SND1: variants seen among roughly 807,000 people sequenced by gnomAD.
SND1 encodes the protein staphylococcal nuclease domain-containing protein 1.
Under a neutral mutation model 121.7 loss-of-function variants are expected in SND1, and 38 were observed. The observed-to-expected ratio is 0.31, with a 90% confidence interval of 0.24 to 0.41. The LOEUF is 0.41. Ranked by LOEUF, SND1 falls within the 10% of genes least tolerant of loss-of-function variation. The pLI, the probability that SND1 is intolerant of heterozygous loss-of-function variation, is 1.00. For synonymous variants in SND1, 401 were observed against 447.4 expected (o/e 0.90, Z 1.31); for missense variants, 868 against 1,184.6 (o/e 0.73, Z 3.92).
At chr7:128,031,284 G>A (rs1792592227) in intron 16 of SND1, among the ~76,000 whole-genome samples, 1 of 145,300 alleles carries the variant, frequency 6.9e-6, no homozygotes, top group Non-Finnish European at 1.5e-5. Context: ...GCGCTTCATC[G>A]CCAAAGTGCG....
intron 16 of SND1, among the ~76,000 whole-genome samples, chr7:128,043,020 G>A (rs1462851064): frequency 6.6e-6 from 1 of 152,178 alleles, no homozygotes; most frequent in Non-Finnish European, 1.5e-5. Context: ...CTTTCTAAGG[G>A]CTCACGCATA....
chr7:128,084,096 G>C (rs944358880), intron 18 of SND1, among the ~76,000 whole-genome samples: 1 of 152,200 alleles, frequency 6.6e-6, no homozygotes, highest in Non-Finnish European at 1.5e-5. Context: ...CATGTATCTT[G>C]CAGGGTGACA....
At chr7:127,975,282 G>T (rs1249622238) in intron 15 of SND1, among the ~76,000 whole-genome samples, 1 of 152,148 alleles carries the variant, frequency 6.6e-6, no homozygotes, top group East Asian at 1.9e-4. Context: ...ATTGAGTTGA[G>T]TGTAGTAGGG....
intron 6 of SND1, 69 bp downstream of exon 6, chr7:127,702,595 T>C: frequency 7.8e-7 from 1 of 1,278,538 alleles, no homozygotes; most frequent in Non-Finnish European, 1.1e-6. Flanking sequence ...ATTCTTCTAC[T>C]TGGGGACTTC....
intron 11 of SND1, among the ~76,000 whole-genome samples, chr7:127,827,798 G>C (rs1241282806): frequency 1.3e-5 from 2 of 151,836 alleles, no homozygotes; most frequent in Non-Finnish European, 2.9e-5. Context: ...ACATGCCTAT[G>C]CATCTTGGTT....
Position 127,721,410 on chromosome 7 carries a change from G to C in SND1, c.1152+10G>C. Reference sequence around the variant, plus strand: ...GGGGGAGAACACCCAGGTGAGAATAGGGAAGCAGCCGCGCCTCTTTGCATA... The same window carrying C: ...GGGGGAGAACACCCAGGTGAGAATACGGAAGCAGCCGCGCCTCTTTGCATA... On this transcript the variant is annotated intron_variant, in intron 10 of 23. Transcript: ENST00000354725. 6.5e-7 allele frequency: 1 copy of C among 1,547,668 alleles called. No homozygotes were observed. Among genetic ancestry groups the C allele is most frequent in the African/African-American group, 1.4e-5 (1 of 73,672 alleles).
intron 14 of SND1, among the ~76,000 whole-genome samples, chr7:127,925,677 C>T (rs1379708629): frequency 6.7e-6 from 1 of 150,196 alleles, no homozygotes; most frequent in African/African-American, 2.5e-5. Context: ...TGATTGGGCT[C>T]ACTGCAACCT....
At chr7:127,913,195 C>A (rs929096657) in intron 14 of SND1, among the ~76,000 whole-genome samples, 5 of 152,188 alleles carry the variant, frequency 3.3e-5, no homozygotes, top group African/African-American at 1.2e-4. Context: ...TCTTATATAA[C>A]AAAAACATCT....
At chr7:127,987,961 A>G (rs1161572404) in intron 15 of SND1, among the ~76,000 whole-genome samples, 3 of 152,238 alleles carry the variant, frequency 2.0e-5, no homozygotes, top group African/African-American at 7.2e-5. Context: ...TAATATCAAG[A>G]TGGCAGAGAA....
At position 128,085,579 on chromosome 7, in the gene SND1, G is replaced by A; in HGVS notation, c.2235-132G>A. On this transcript the variant is annotated intron_variant, in intron 19 of 23. Coordinates refer to ENST00000354725, the MANE Select transcript of SND1 (RefSeq NM_014390.4). This position sits in a 1 kb window ranked among gnomAD's most constrained non-coding sequence, Gnocchi z 4.4. ...CGAGGCTGGGCCTAGATGGAGTGCA[G>A]TTACTGTCCCCTGTGACACCCGTTG... 1.3e-6 allele frequency: 1 copy of A among 758,376 alleles called. No individual in the cohort carries two copies. Among genetic ancestry groups the A allele is most frequent in the East Asian group, 2.5e-5 (1 of 40,810 alleles). The allele number at this position is 758,376 out of a possible 1,614,324, so 47.0% of individuals were successfully genotyped here.
chr7:127,813,500 A>G (rs1798370808), intron 11 of SND1, among the ~76,000 whole-genome samples: 1 of 152,156 alleles, frequency 6.6e-6, no homozygotes, highest in Admixed American at 6.5e-5. Flanking sequence ...TTTGAGGACT[A>G]TCAGGGTGTT....
At chr7:127,739,765 T>G (rs890079330) in intron 10 of SND1, among the ~76,000 whole-genome samples, 1 of 152,220 alleles carries the variant, frequency 6.6e-6, no homozygotes, top group South Asian at 2.1e-4. Context: ...TTTCTTGTCC[T>G]AGGTCTGAGG....
At chr7:127,850,836 C>G (rs1013094050) in intron 12 of SND1, among the ~76,000 whole-genome samples, 2 of 152,154 alleles carry the variant, frequency 1.3e-5, no homozygotes, top group African/African-American at 4.8e-5. Flanking sequence ...GTTAACAATA[C>G]TTGAGAAAGA....
At chr7:127,792,114 T>C (rs1028741999) in intron 10 of SND1, among the ~76,000 whole-genome samples, 1 of 152,264 alleles carries the variant, frequency 6.6e-6, no homozygotes, top group African/African-American at 2.4e-5. Flanking sequence ...GTCTTCTCTT[T>C]ACTTTGTGTT....
chr7:127,794,697 T>A (rs1430857312), intron 10 of SND1, among the ~76,000 whole-genome samples: 1 of 152,236 alleles, frequency 6.6e-6, no homozygotes, highest in African/African-American at 2.4e-5. Context: ...CACATCCCTG[T>A]GCTGGATGGG....
In SND1 at chr7:127,694,968, C is replaced by T. The variant is rs1451862258; in HGVS notation, c.349+20C>T. 5.6e-6 allele frequency: 9 copies of T among 1,604,518 alleles called. No homozygotes were observed. The highest frequency in any genetic ancestry group is 7.7e-6 in the Non-Finnish European group (9 of 1,174,878). On this transcript the variant is annotated intron_variant, in intron 3 of 23. Transcript: ENST00000354725. The stretch of plus-strand genomic sequence containing the variant: ...GAAAAGGTGAGCTGCAGGGAGAGGA[C>T]TCATTTCTCTCAAGTCTAAAGTTCT...
At chr7:127,850,322 T>C (rs899320725) in intron 12 of SND1, among the ~76,000 whole-genome samples, 1 of 152,190 alleles carries the variant, frequency 6.6e-6, no homozygotes, top group African/African-American at 2.4e-5. Context: ...TTAAAACACA[T>C]TACTAATATC....
chr7:128,000,830 G>A (rs555295686), intron 16 of SND1, among the ~76,000 whole-genome samples: 2 of 152,140 alleles, frequency 1.3e-5, no homozygotes, highest in Non-Finnish European at 2.9e-5. Context: ...ATGTATAATA[G>A]CAAGGCTGCC....
intron 10 of SND1, among the ~76,000 whole-genome samples, chr7:127,770,084 G>A (rs898881250): frequency 8.5e-5 from 13 of 152,302 alleles, no homozygotes; most frequent in Admixed American, 7.2e-4. Flanking sequence ...CACCGTCACC[G>A]GTGTGCAGGG....
Sources: allele counts gnomAD v4.1 joint callset (sites outside exome capture counted in the v4.1 genomes callset), GRCh38; gene constraint gnomAD v4.1.1; non-coding constraint Gnocchi (gnomAD v3.1); transcripts MANE v1.5; gene names NCBI Gene and HGNC (gene_info 2026-07-23, HGNC 2026-07-21).